Variants in TMEM266 observed in about 807,000 individuals in gnomAD.
TMEM266 encodes Hv1 related protein 1.
Under a neutral mutation model 50.5 loss-of-function variants are expected in TMEM266, and 33 were observed. The observed-to-expected ratio is 0.65, with a 90% CI of 0.50 to 0.87. The LOEUF is 0.87. Ranked by LOEUF, TMEM266 falls within the 40% of genes least tolerant of loss-of-function variation. The pLI is 0.00. For synonymous variants in TMEM266, 310 were observed against 292.3 expected, an observed-to-expected ratio of 1.06 and a Z score of -0.62; for missense variants, 655 against 695.1, an observed-to-expected ratio of 0.94 and a Z score of 0.65.
At position 76,203,992 on chromosome 15, in the gene TMEM266, T is replaced by C. The variant is rs772888949; in HGVS notation, c.1273T>C (p.Ser425Pro). ...GGAGCCGTCCTCTGAGCCCGGCCCT[T>C]CTCCCCCGCCGCTGCCATCCCAGCA... The change falls in exon 11 of 11, where the codon TCT (serine) becomes CCT (proline). Residue 425 changes from serine (S) to proline (P), a missense_variant. This residue lies in a region of TMEM266 where 455 missense variants were observed against 401.8 expected (regional missense o/e 1.13). Transcript: ENST00000388942. The C allele has an allele frequency of 3.9e-5, 63 of 1,607,706 alleles. 1 individual carries two copies. The highest frequency in any genetic ancestry group is 1.6e-4 in the Middle Eastern group (1 of 6,062).
intron 1 of TMEM266, among the ~76,000 whole-genome samples, chr15:76,067,472 G>A (rs773795241): frequency 3.3e-5 from 5 of 151,642 alleles, no homozygotes; most frequent in East Asian, 1.9e-4. Context: ...GAGAAACCCC[G>A]TCTCTACTAA....
At chr15:76,192,234 T>C in intron 9 of TMEM266, 77 bp downstream of exon 9, 2 of 1,303,112 alleles carry the variant, frequency 1.5e-6, no homozygotes, top group Non-Finnish European at 2.0e-6. Flanking sequence ...GCCCCGGGAC[T>C]GTGCGCAGAG....
intron 3 of TMEM266, among the ~76,000 whole-genome samples, chr15:76,140,847 C>A (rs2037665123): frequency 7.0e-6 from 1 of 143,824 alleles, no homozygotes; most frequent in Non-Finnish European, 1.5e-5. Flanking sequence ...CCAGCCTGTG[C>A]AACATGGCAA....
intron 1 of TMEM266, among the ~76,000 whole-genome samples, chr15:76,080,938 A>G (rs1356620171): frequency 3.3e-5 from 2 of 60,350 alleles, no homozygotes; most frequent in African/African-American, 8.0e-5. Flanking sequence ...ATTTGTAGAG[A>G]TGAGGTCTCA....
At chr15:76,083,260 C>A (rs1413246746) in intron 1 of TMEM266, among the ~76,000 whole-genome samples, 1 of 140,892 alleles carries the variant, frequency 7.1e-6, no homozygotes, top group Non-Finnish European at 1.5e-5. Flanking sequence ...GAGTTGGAGT[C>A]TTGCTCTGTC....
intron 7 of TMEM266, among the ~76,000 whole-genome samples, chr15:76,172,983 C>T (rs2038208860): frequency 6.6e-6 from 1 of 152,176 alleles, no homozygotes; most frequent in Non-Finnish European, 1.5e-5. Flanking sequence ...GCTGTCCCGC[C>T]CTTTTCCTGA....
At chr15:76,165,459 C>T (rs751548296) in intron 5 of TMEM266, among the ~76,000 whole-genome samples, 29 of 152,252 alleles carry the variant, frequency 1.9e-4, no homozygotes, top group Non-Finnish European at 3.7e-4. Flanking sequence ...CTTATCAGAG[C>T]AGCCTCCTGA....
At chr15:76,074,046 A>G (rs1429164701) in intron 1 of TMEM266, among the ~76,000 whole-genome samples, 1 of 152,090 alleles carries the variant, frequency 6.6e-6, no homozygotes. Flanking sequence ...ATGGCTTTTC[A>G]TGTGTTTTTA....
At chr15:76,071,802 G>A (rs1009309708) in intron 1 of TMEM266, among the ~76,000 whole-genome samples, 1 of 152,166 alleles carries the variant, frequency 6.6e-6, no homozygotes, top group Non-Finnish European at 1.5e-5. Flanking sequence ...GGCTTCCCCC[G>A]CTTCCCTGCT....
At chr15:76,106,224 A>G (rs532182903) in intron 1 of TMEM266, among the ~76,000 whole-genome samples, 9 of 152,170 alleles carry the variant, frequency 5.9e-5, no homozygotes, top group African/African-American at 2.2e-4. Flanking sequence ...AGAATCAAAG[A>G]TCCGCACTGA....
At chr15:76,179,760 C>T (rs2038367665) in intron 8 of TMEM266, among the ~76,000 whole-genome samples, 1 of 152,156 alleles carries the variant, frequency 6.6e-6, no homozygotes, top group Non-Finnish European at 1.5e-5. Context: ...GAAAAATTGA[C>T]ATTTACCAAT....
rs183259431 is a variant in TMEM266, at chr15:76,176,802, G to T, written c.768+1128G>T. 2.0e-3 allele frequency among the ~76,000 whole-genome samples: 300 copies of T among 152,306 alleles called. 1 individual carries two copies. The highest frequency in any genetic ancestry group is 6.9e-3 in the African/African-American group (286 of 41,574). ...CTGGGCTCCCTATTCCTCCCCCATT[G>T]CTGGGTGCCCAGGCAGTCTCCAAGG... On this transcript the variant is annotated intron_variant, in intron 8 of 10. Transcript: ENST00000388942.
At chr15:76,158,820 G>A (rs368432391) in intron 4 of TMEM266, among the ~76,000 whole-genome samples, 33 of 152,310 alleles carry the variant, frequency 2.2e-4, no homozygotes, top group African/African-American at 7.5e-4. Flanking sequence ...TCTAAGGGTC[G>A]TCTTGGCCCA....
intron 1 of TMEM266, among the ~76,000 whole-genome samples, chr15:76,080,049 A>G (rs1234302730): frequency 6.6e-6 from 1 of 151,588 alleles, no homozygotes; most frequent in Non-Finnish European, 1.5e-5. Flanking sequence ...TGTGTCAGCA[A>G]TGACTTAACA....
At chr15:76,158,529 C>T (rs1000232989) in intron 4 of TMEM266, among the ~76,000 whole-genome samples, 3 of 152,052 alleles carry the variant, frequency 2.0e-5, no homozygotes, top group Non-Finnish European at 2.9e-5. Context: ...AGAACCCAGC[C>T]GACACTGGAA....
intron 7 of TMEM266, among the ~76,000 whole-genome samples, chr15:76,173,373 G>C (rs1277507706): frequency 6.6e-6 from 1 of 152,118 alleles, no homozygotes; most frequent in East Asian, 1.9e-4. Flanking sequence ...GGTTTCGAGG[G>C]GTGCGGGAAC....
intron 1 of TMEM266, among the ~76,000 whole-genome samples, chr15:76,097,376 T>C (rs2036937385): frequency 1.3e-5 from 2 of 152,096 alleles, no homozygotes; most frequent in African/African-American, 2.4e-5. Context: ...TTATGCAGCT[T>C]AGTTTGGCTG....
intron 1 of TMEM266, among the ~76,000 whole-genome samples, chr15:76,096,819 G>C (rs1285325026): frequency 6.6e-6 from 1 of 151,834 alleles, no homozygotes; most frequent in Non-Finnish European, 1.5e-5. Flanking sequence ...ATTTTGGATA[G>C]TTAGCTCTTC....
chr15:76,061,015 C>G (rs2036291506), intron 1 of TMEM266, among the ~76,000 whole-genome samples: 1 of 152,168 alleles, frequency 6.6e-6, no homozygotes, highest in Non-Finnish European at 1.5e-5. Flanking sequence ...GACTGAATTT[C>G]TCTTCAGTGC....
Sources: gnomAD v4.1 joint callset for allele counts (sites outside exome capture counted in the v4.1 genomes callset) on GRCh38, gnomAD v4.1.1 for gene constraint, gnomAD v4.1.1 regional missense constraint, MANE v1.5 for transcripts, NCBI Gene and HGNC (gene_info 2026-07-23, HGNC 2026-07-21) for gene names.